The following UNC79 variants were observed in gnomAD, a reference collection of about 807,000 sequenced individuals.
The protein encoded by UNC79 is protein unc-79 homolog.
A neutral mutation model predicts 283.1 loss-of-function variants in UNC79; 37 were observed. That is an observed-to-expected ratio of 0.13 (90% CI 0.10 to 0.17). The LOEUF (loss-of-function observed/expected upper bound fraction) is 0.17, where lower values mean the gene tolerates loss of function less well. Ranked by LOEUF, UNC79 falls within the 10% of genes least tolerant of loss-of-function variation. The pLI is 1.00. For missense variants in UNC79, 2,272 were observed against 3,211.1 expected (o/e 0.71, Z 7.07); for synonymous variants, 1,107 against 1,200.2 (o/e 0.92, Z 1.61).
At position 93,622,000 on chromosome 14, in the gene UNC79, C is replaced by G; in HGVS notation, c.4767C>G (p.Phe1589Leu). The change falls in exon 30 of 49, where the codon TTC becomes TTG. Residue 1589 changes from phenylalanine to leucine, a missense_variant. Coordinates refer to ENST00000555664, the Ensembl canonical transcript of UNC79. The surrounding 1 kb of genome is among the most constrained non-coding windows in gnomAD (Gnocchi z 4.8). ...TTAGGTTAAACTGTATGGAGACTTTCGAGGTGAAAGTTGACTCGCCGGTAA... is the reference window on the plus strand; with the variant it reads ...TTAGGTTAAACTGTATGGAGACTTTGGAGGTGAAAGTTGACTCGCCGGTAA... 2.5e-6 allele frequency: 4 copies of G among 1,613,970 alleles called. No individual in the cohort carries two copies. The highest frequency in any genetic ancestry group is 3.4e-6 in the Non-Finnish European group (4 of 1,179,994).
chr14:93,358,545 T>C (rs879917702), intron 1 of UNC79, among the ~76,000 whole-genome samples: 14 of 152,134 alleles, frequency 9.2e-5, no homozygotes, highest in Non-Finnish European at 1.8e-4. Context: ...CCTCACCAGG[T>C]GTCTACTGTT....
At chr14:93,369,633 T>C (rs1340631832) in intron 1 of UNC79, among the ~76,000 whole-genome samples, 1 of 152,188 alleles carries the variant, frequency 6.6e-6, no homozygotes, top group Non-Finnish European at 1.5e-5. Context: ...TAAATATTCC[T>C]GGGGACCTAG....
chr14:93,670,027 T>A (rs998389790), intron 40 of UNC79, among the ~76,000 whole-genome samples: 2 of 152,188 alleles, frequency 1.3e-5, no homozygotes, highest in Admixed American at 1.3e-4. Flanking sequence ...AGGATTAAGA[T>A]ACACAGGGCT....
chr14:93,683,923 A>T (rs746829944), intron 42 of UNC79, among the ~76,000 whole-genome samples: 1 of 151,892 alleles, frequency 6.6e-6, no homozygotes, highest in Admixed American at 6.6e-5. Context: ...ATGTGACTTG[A>T]TGAGTTTGGA....
chr14:93,489,411 A>T (rs566574253), intron 5 of UNC79, among the ~76,000 whole-genome samples: 1 of 152,298 alleles, frequency 6.6e-6, no homozygotes, highest in African/African-American at 2.4e-5. Flanking sequence ...TACCATCTAA[A>T]TCAGATATGG....
chr14:93,688,676 G>A lies in UNC79; in HGVS notation c.6921G>A (p.Lys2307=). Residue 2307 remains lysine, a synonymous_variant, in exon 44 of 49, where the codon AAG becomes AAA. Coordinates refer to ENST00000555664, the Ensembl canonical transcript of UNC79. This position sits in a 1 kb window ranked among gnomAD's most constrained non-coding sequence, Gnocchi z 4.0. Reference sequence around the variant, plus strand: ...ATTCGGTTTTGTAGAGCCACATGAAGACATGTTCCCAGCCTCTGCATGAAG... The same window carrying A: ...ATTCGGTTTTGTAGAGCCACATGAAAACATGTTCCCAGCCTCTGCATGAAG... 1 of 1,613,540 alleles carries A rather than the reference G, an allele frequency of 6.2e-7. No homozygotes were observed. Among genetic ancestry groups the A allele is most frequent in the Non-Finnish European group, 8.5e-7 (1 of 1,179,680 alleles).
Position 93,706,332 on chromosome 14 carries a change from G to T in UNC79, c.7591-372G>T, listed in dbSNP as rs1357161663. On this transcript the variant is annotated intron_variant, in intron 48 of 48. Coordinates refer to ENST00000555664, the Ensembl canonical transcript of UNC79. ...CCAAAGTCGCCTATAGAAGAGCCAG[G>T]CTTTGAACACAGGGATCCTGACAGC... 5.3e-5 allele frequency among the ~76,000 whole-genome samples: 8 copies of T among 152,074 alleles called. No homozygotes were observed. The East Asian group carries it at 1.5e-3, about 29-fold the overall frequency.
intron 1 of UNC79, among the ~76,000 whole-genome samples, chr14:93,465,371 G>A (rs1057456860): frequency 2.0e-5 from 3 of 152,200 alleles, no homozygotes; most frequent in African/African-American, 7.2e-5. Flanking sequence ...GTGCCAGACA[G>A]TGTGTTAGGC....
intron 14 of UNC79, among the ~76,000 whole-genome samples, chr14:93,569,637 G>A (rs1259698983): frequency 6.6e-6 from 1 of 152,172 alleles, no homozygotes; most frequent in East Asian, 1.9e-4. Flanking sequence ...TCCCAGCAGT[G>A]TTGAGCTTTA....
intron 10 of UNC79, among the ~76,000 whole-genome samples, chr14:93,530,794 A>G (rs950923016): frequency 6.6e-6 from 1 of 152,120 alleles, no homozygotes; most frequent in Non-Finnish European, 1.5e-5. Context: ...CTGTAGTCCC[A>G]GCTACTCGGG....
At chr14:93,622,008 A>G in exon 30 of UNC79, 1 of 1,614,004 alleles carries the variant, frequency 6.2e-7, no homozygotes. Flanking sequence ...TTCGAGGTGA[A>G]AGTTGACTCG....
At chr14:93,389,662 T>G (rs988569813) in intron 1 of UNC79, among the ~76,000 whole-genome samples, 1 of 151,846 alleles carries the variant, frequency 6.6e-6, no homozygotes, top group African/African-American at 2.4e-5. Flanking sequence ...GCTTTTTTTT[T>G]TTTTTTTAAG....
chr14:93,499,768 G>A (rs2059192946), intron 7 of UNC79, among the ~76,000 whole-genome samples: 1 of 152,056 alleles, frequency 6.6e-6, no homozygotes, highest in South Asian at 2.1e-4. Flanking sequence ...ACCTCAACGG[G>A]ATGTGGGCAA....
intron 2 of UNC79, among the ~76,000 whole-genome samples, chr14:93,470,109 G>A (rs1373760700): frequency 6.6e-6 from 1 of 152,104 alleles, no homozygotes; most frequent in Admixed American, 6.6e-5. Context: ...GAAAGAATTA[G>A]AGATGAATTC....
intron 1 of UNC79, among the ~76,000 whole-genome samples, chr14:93,384,357 ATTTG>A: frequency 6.6e-6 from 1 of 152,164 alleles, no homozygotes; most frequent in South Asian, 2.1e-4. Flanking sequence ...CCTCTCCAGC[ATTTG>A]TTATTGTCTA....
chr14:93,652,681 A>G (rs2070421249), intron 35 of UNC79, among the ~76,000 whole-genome samples: 1 of 152,076 alleles, frequency 6.6e-6, no homozygotes, highest in Non-Finnish European at 1.5e-5. Context: ...CTGATTTTTG[A>G]GTATTAAACT....
chr14:93,571,535 T>C (rs2063208113), intron 14 of UNC79, among the ~76,000 whole-genome samples: 1 of 152,234 alleles, frequency 6.6e-6, no homozygotes, highest in African/African-American at 2.4e-5. Flanking sequence ...GTGCATGTTG[T>C]AATGGATTTA....
At chr14:93,689,017 C>G (rs1436920437) in intron 44 of UNC79, 177 bp downstream of exon 47, 2 of 610,256 alleles carry the variant, frequency 3.3e-6, no homozygotes, top group African/African-American at 3.8e-5. Flanking sequence ...CCAGAATGCT[C>G]TTTGACATGC....
chr14:93,479,831 A>G (rs1028375080), intron 4 of UNC79, among the ~76,000 whole-genome samples: 6 of 152,048 alleles, frequency 3.9e-5, no homozygotes, highest in African/African-American at 9.7e-5. Context: ...ATGGGGTCTC[A>G]CTATGTTTCC....
Sources: gnomAD v4.1 joint callset for allele counts (sites outside exome capture counted in the v4.1 genomes callset) on GRCh38, gnomAD v4.1.1 for gene constraint, Gnocchi (gnomAD v3.1) non-coding constraint, MANE v1.5 for transcripts, NCBI Gene and HGNC (gene_info 2026-07-23, HGNC 2026-07-21) for gene names.